Variants in VPS26B observed in about 807,000 individuals in gnomAD.
VPS26B encodes the protein vacuolar protein sorting-associated protein 26B.
A neutral mutation model predicts 33.3 loss-of-function variants in VPS26B; 10 were observed. The observed-to-expected ratio is 0.30, with a 90% CI of 0.19 to 0.51. VPS26B has a LOEUF of 0.51. Among genes scored for constraint, VPS26B ranks in the 20% least tolerant of loss-of-function variants. VPS26B has a pLI of 0.98. For synonymous variants in VPS26B, 190 were observed against 176.9 expected, an observed-to-expected ratio of 1.07 and a Z score of -0.59; for missense variants, 317 against 452.7, an observed-to-expected ratio of 0.70 and a Z score of 2.72.
intron 1 of VPS26B, 53 bp from the exon 2 acceptor site, chr11:134,234,844 G>T (rs80234414): frequency 1.9e-6 from 3 of 1,587,732 alleles, no homozygotes; most frequent in Non-Finnish European, 8.6e-7. Flanking sequence ...TACTCGGCCC[G>T]GTGTAGCTCA....
At chr11:134,228,295 CTTA>C (rs1357893018) in intron 1 of VPS26B, among the ~76,000 whole-genome samples, 3 of 150,702 alleles carry the variant, frequency 2.0e-5, no homozygotes, top group South Asian at 2.1e-4. Flanking sequence ...CAACATGTTT[CTTA>C]TTATTTGGCT....
chr11:134,235,007 G>A lies in VPS26B; in HGVS notation c.334G>A (p.Val112Met), dbSNP rs1443067262. The change falls in exon 2 of 6, where the codon GTG becomes ATG. Residue 112 changes from valine (V) to methionine (M), a missense_variant. Coordinates refer to ENST00000281187, the MANE Select transcript of VPS26B (RefSeq NM_052875.5). ...SQAFDFEFTH[V>M]EKPYESYTGQ... ...GGCCTTCGACTTTGAGTTTACCCACGTGGAGAAGCCGTATGAGTCCTACAC... is the reference window on the plus strand; with the variant it reads ...GGCCTTCGACTTTGAGTTTACCCACATGGAGAAGCCGTATGAGTCCTACAC... 6.2e-6 allele frequency: 10 copies of A among 1,614,008 alleles called. No individual in the cohort carries two copies. The highest frequency in any genetic ancestry group is 8.5e-6 in the Non-Finnish European group (10 of 1,180,036).
Position 134,246,798 on chromosome 11 carries a change from C to T in VPS26B, c.*1208C>T, listed in dbSNP as rs1407399557. ...TCTTGTTATGCTAGAGAGGAAGGTACTTCTCCCTCTACGGCTCTGCGCTGG... is the reference window on the plus strand; with the variant it reads ...TCTTGTTATGCTAGAGAGGAAGGTATTTCTCCCTCTACGGCTCTGCGCTGG... On this transcript the variant is annotated 3_prime_UTR_variant, in exon 6 of 6. Coordinates refer to ENST00000281187, the MANE Select transcript of VPS26B (RefSeq NM_052875.5). 1 of 152,266 alleles carries T rather than the reference C, an allele frequency of 6.6e-6. No individual in the cohort carries two copies. The highest frequency in any genetic ancestry group is 1.5e-5 in the Non-Finnish European group (1 of 68,020). 9.4% of individuals were successfully genotyped at this position (152,266 alleles called of 1,614,324 possible).
rs928874142 is a variant in VPS26B, at chr11:134,240,283, C to T, written c.545+128C>T. On this transcript the variant is annotated intron_variant, in intron 3 of 5. Coordinates refer to ENST00000281187, the MANE Select transcript of VPS26B (RefSeq NM_052875.5). The surrounding 1 kb of genome is among the most constrained non-coding windows in gnomAD (Gnocchi z 4.4). ...GTGGTGGCATGCGGTGGGGGAAGAC[C>T]GTGGGAGCAATCCAGTGAGTGTCTA... is the stretch of plus-strand genomic sequence containing the variant. 16 of 1,060,684 alleles carry T rather than the reference C, an allele frequency of 1.5e-5. No homozygotes were observed. Among genetic ancestry groups the T allele is most frequent in the East Asian group, 7.5e-5 (3 of 40,166 alleles). 65.7% of individuals were successfully genotyped at this position (1,060,684 alleles called of 1,614,324 possible). A position where few individuals can be genotyped will look rare whatever the true frequency, so the allele number is the denominator to read the frequency against.
At chr11:134,230,636 T>C (rs1938543590) in intron 1 of VPS26B, among the ~76,000 whole-genome samples, 1 of 152,230 alleles carries the variant, frequency 6.6e-6, no homozygotes, top group African/African-American at 2.4e-5. Context: ...TTTACATCTT[T>C]CTTTCCTCAC....
Position 134,225,049 on chromosome 11 carries a change from T to C in VPS26B, c.-74T>C, listed in dbSNP as rs1023614309. ...GCTCGCGCATCGGGCCCTCTGGCCT[T>C]CTTTACCTAGGGCAGCCCGCGCCCC... On this transcript the variant is annotated 5_prime_UTR_variant, in exon 1 of 6. Coordinates refer to ENST00000281187, the MANE Select transcript of VPS26B (RefSeq NM_052875.5). The C allele has an allele frequency of 1.3e-4, 187 of 1,444,870 alleles. No individual in the cohort carries two copies. Among genetic ancestry groups the C allele is most frequent in the Admixed American group, 3.5e-4 (15 of 43,422 alleles). The allele number at this position is 1,444,870 out of a possible 1,614,324, so 89.5% of individuals were successfully genotyped here. A position where few individuals can be genotyped will look rare whatever the true frequency, so the allele number is the denominator to read the frequency against.
chr11:134,225,104 C>A lies in VPS26B; in HGVS notation c.-19C>A. The A allele has an allele frequency of 6.3e-7, 1 of 1,584,322 alleles. No homozygotes were observed. The highest frequency in any genetic ancestry group is 8.6e-7 in the Non-Finnish European group (1 of 1,163,794). On this transcript the variant is annotated 5_prime_UTR_variant, in exon 1 of 6. Transcript: ENST00000281187. Reference sequence around the variant, plus strand: ...CGAGGGAGCGGTCCTTACCGAGACCCGCCCGGCCCGGCGGTGCGATGAGCT... The same window carrying A: ...CGAGGGAGCGGTCCTTACCGAGACCAGCCCGGCCCGGCGGTGCGATGAGCT...
intron 1 of VPS26B, among the ~76,000 whole-genome samples, chr11:134,228,176 T>A (rs1938506147): frequency 6.6e-6 from 1 of 152,232 alleles, no homozygotes; most frequent in Non-Finnish European, 1.5e-5. Flanking sequence ...CCTTTGTAGT[T>A]CTATTTGATG....
At position 134,225,352 on chromosome 11, in the gene VPS26B, C is replaced by A; in HGVS notation, c.223+7C>A. 1.2e-6 allele frequency: 2 copies of A among 1,613,060 alleles called. No individual in the cohort carries two copies. The highest frequency in any genetic ancestry group is 1.1e-5 in the South Asian group (1 of 90,996). ...GAGTTCATCGGGCAGATCGGTGAGT[C>A]GACCCCCGGGACCCCCTCCCCCAGC... On this transcript the variant is annotated splice_region_variant and intron_variant, in intron 1 of 5. Coordinates refer to ENST00000281187, the MANE Select transcript of VPS26B (RefSeq NM_052875.5).
In VPS26B at chr11:134,244,694, C is replaced by G. The variant is rs1228126521; in HGVS notation, c.722-244C>G. The G allele has an allele frequency of 1.6e-5, 8 of 503,556 alleles. No homozygotes were observed. In the East Asian group the frequency reaches 2.6e-4, roughly 17 times the overall value. 31.2% of individuals were successfully genotyped at this position (503,556 alleles called of 1,614,324 possible). A position where few individuals can be genotyped will look rare whatever the true frequency, so the allele number is the denominator to read the frequency against. On this transcript the variant is annotated intron_variant, in intron 4 of 5. Transcript: ENST00000281187. This position sits in a 1 kb window ranked among gnomAD's most constrained non-coding sequence, Gnocchi z 4.0. ...TATACTAATAATGACCTGTGCTGTT[C>G]CCACTCAGTTGCTCTCTGTTTTCGA...
intron 1 of VPS26B, among the ~76,000 whole-genome samples, chr11:134,233,151 C>T (rs937050532): frequency 4.6e-5 from 7 of 152,156 alleles, no homozygotes; most frequent in Non-Finnish European, 1.0e-4. Flanking sequence ...ATTGTAGTTA[C>T]ACGGGAAATC....
chr11:134,240,072 A>T lies in VPS26B; in HGVS notation c.462A>T (p.Thr154=), dbSNP rs910008294. Residue 154 remains threonine (T), a synonymous_variant, in exon 3 of 6, where the codon ACA becomes ACT. Coordinates refer to ENST00000281187, the MANE Select transcript of VPS26B (RefSeq NM_052875.5). The surrounding 1 kb of genome is among the most constrained non-coding windows in gnomAD (Gnocchi z 4.4). Reference sequence around the variant, plus strand: ...ACATTGTAGTTCACACACTCAGCACATACCCAGAGCTGAACTCTTCCATCA... The same window carrying T: ...ACATTGTAGTTCACACACTCAGCACTTACCCAGAGCTGAACTCTTCCATCA... ...EMDIVVHTLS[T]YPELNSSIKM... The T allele has an allele frequency of 1.2e-6, 2 of 1,614,186 alleles. No individual in the cohort carries two copies. Among genetic ancestry groups the T allele is most frequent in the South Asian group, 2.2e-5 (2 of 91,080 alleles).
chr11:134,240,073 T>TA lies in VPS26B; in HGVS notation c.464dup (p.Tyr155Ter). The change falls in exon 3 of 6, where the codon TAC (tyrosine) becomes TAAC (stop). Residue 155 changes from tyrosine to a stop codon, truncating the protein, a stop_gained and frameshift_variant. Transcript: ENST00000281187. LOFTEE classifies it high-confidence loss of function. The surrounding 1 kb of genome is among the most constrained non-coding windows in gnomAD (Gnocchi z 4.4). ...CATTGTAGTTCACACACTCAGCACA[T>TA]ACCCAGAGCTGAACTCTTCCATCAA... ...MDIVVHTLST[Y>*]PELNSSIKME... 1 of 1,614,130 alleles carries TA rather than the reference T, an allele frequency of 6.2e-7. No homozygotes were observed. Among genetic ancestry groups the TA allele is most frequent in the Non-Finnish European group, 8.5e-7 (1 of 1,179,964 alleles).
rs1343136378 is a variant in VPS26B at position 134,245,428 on chromosome 11, CCT to C, written c.865-15_865-14del. ...TCCCTCTAAGGTGTCACATTGCCCC[CCT>C]TTCAATTCTGCAGGAAGTGGTGTTG... On this transcript the variant is annotated splice_polypyrimidine_tract_variant and intron_variant, in intron 5 of 5. Transcript: ENST00000281187. The surrounding 1 kb of genome is among the most constrained non-coding windows in gnomAD (Gnocchi z 4.7). 2 of 1,613,902 alleles carry C rather than the reference CCT, an allele frequency of 1.2e-6. No individual in the cohort carries two copies. Among genetic ancestry groups the C allele is most frequent in the African/African-American group, 1.3e-5 (1 of 75,058 alleles).
chr11:134,245,622 A>C lies in VPS26B; in HGVS notation c.*32A>C, dbSNP rs1591488419. ...AGGGCCGAGAAGATGCTGGGCACCC[A>C]CCCAGCACCCCCATCTACCAACACC... On this transcript the variant is annotated 3_prime_UTR_variant, in exon 6 of 6. Transcript: ENST00000281187. The surrounding 1 kb of genome is among the most constrained non-coding windows in gnomAD (Gnocchi z 4.7). 1 of 1,578,462 alleles carries C rather than the reference A, an allele frequency of 6.3e-7. No individual in the cohort carries two copies. The highest frequency in any genetic ancestry group is 8.6e-7 in the Non-Finnish European group (1 of 1,164,146).
chr11:134,234,881 C>G lies in VPS26B; in HGVS notation c.224-16C>G. The stretch of plus-strand genomic sequence containing the variant: ...GGTCTGATAAAGGAGGGCGTCGCAT[C>G]GCTGTCTCTCACCAGAACTCTACTA... On this transcript the variant is annotated splice_polypyrimidine_tract_variant and intron_variant, in intron 1 of 5. Coordinates refer to ENST00000281187, the MANE Select transcript of VPS26B (RefSeq NM_052875.5). 1 of 1,611,390 alleles carries G rather than the reference C, an allele frequency of 6.2e-7. No homozygotes were observed. The highest frequency in any genetic ancestry group is 1.3e-5 in the African/African-American group (1 of 74,962).
At chr11:134,237,871 C>G (rs1256347396) in intron 2 of VPS26B, among the ~76,000 whole-genome samples, 1 of 152,084 alleles carries the variant, frequency 6.6e-6, no homozygotes, top group African/African-American at 2.4e-5. Flanking sequence ...GTGCAGAACC[C>G]GCCTTGTGAC....
intron 1 of VPS26B, among the ~76,000 whole-genome samples, chr11:134,234,419 C>G (rs1011698114): frequency 1.3e-5 from 2 of 152,200 alleles, no homozygotes; most frequent in Admixed American, 6.5e-5. Flanking sequence ...GCCAGCTCTG[C>G]GACTCCAGGC....
intron 1 of VPS26B, among the ~76,000 whole-genome samples, chr11:134,234,283 T>C (rs1938599544): frequency 1.3e-5 from 2 of 152,244 alleles, no homozygotes; most frequent in Admixed American, 6.5e-5. Context: ...CTAAGTCTTT[T>C]ACCTACATCA....
Sources: allele counts gnomAD v4.1 joint callset (sites outside exome capture counted in the v4.1 genomes callset), GRCh38; gene constraint gnomAD v4.1.1; non-coding constraint Gnocchi (gnomAD v3.1); transcripts MANE v1.5; gene names NCBI Gene and HGNC (gene_info 2026-07-23, HGNC 2026-07-21).